The following FAM220A variants were observed in gnomAD, a reference collection of about 807,000 sequenced individuals.
The protein encoded by FAM220A is protein FAM220A.
For missense variants in FAM220A, 392 were observed against 321.6 expected (o/e 1.22, Z -1.68); for synonymous variants, 141 against 130.7 (o/e 1.08, Z -0.54).
At chr7:6,334,050 G>A (rs531416108) in intron 1 of FAM220A, among the ~76,000 whole-genome samples, 6 of 150,864 alleles carry the variant, frequency 4.0e-5, no homozygotes, top group Non-Finnish European at 7.4e-5. Flanking sequence ...GTTTCACCAT[G>A]TTAGCCAGGA....
At chr7:6,331,939 G>A (rs1457497887) in intron 1 of FAM220A, among the ~76,000 whole-genome samples, 2 of 151,412 alleles carry the variant, frequency 1.3e-5, no homozygotes, top group African/African-American at 4.8e-5. Flanking sequence ...AGAGATGAGG[G>A]TTCGCCATGT....
At chr7:6,346,209 C>T (rs1781949112) in intron 1 of FAM220A, among the ~76,000 whole-genome samples, 1 of 152,104 alleles carries the variant, frequency 6.6e-6, no homozygotes, top group African/African-American at 2.4e-5. Context: ...TTCTCGTTTA[C>T]CAGTCCCCTG....
At chr7:6,337,634 A>G (rs1781772822) in intron 1 of FAM220A, among the ~76,000 whole-genome samples, 1 of 151,602 alleles carries the variant, frequency 6.6e-6, no homozygotes, top group South Asian at 2.1e-4. Flanking sequence ...AGGTACCATT[A>G]GTAATCACTT....
At chr7:6,342,651 A>G (rs1027767433) in intron 1 of FAM220A, among the ~76,000 whole-genome samples, 6 of 152,324 alleles carry the variant, frequency 3.9e-5, no homozygotes, top group South Asian at 2.1e-4. Context: ...CAAAGCTTAC[A>G]TGCAAATGTT....
chr7:6,341,140 T>TC (rs201380116), intron 1 of FAM220A, among the ~76,000 whole-genome samples: 203 of 129,644 alleles, frequency 1.6e-3, no homozygotes, highest in Non-Finnish European at 2.7e-3. Context: ...CAAGACTCTG[T>TC]CCCAAAAAAA....
intron 1 of FAM220A, among the ~76,000 whole-genome samples, chr7:6,343,843 C>A (rs1781909059): frequency 6.6e-6 from 1 of 151,992 alleles, no homozygotes; most frequent in Non-Finnish European, 1.5e-5. Context: ...GTTCCTTAGG[C>A]CTTATTACTC....
chr7:6,340,582 G>A (rs1039618493), intron 1 of FAM220A, among the ~76,000 whole-genome samples: 5 of 152,032 alleles, frequency 3.3e-5, no homozygotes, highest in South Asian at 2.1e-4. Flanking sequence ...TAACAGACTC[G>A]AAGGAGGGCA....
chr7:6,339,736 G>A (rs1380442348), intron 1 of FAM220A, among the ~76,000 whole-genome samples: 2 of 152,076 alleles, frequency 1.3e-5, no homozygotes, highest in East Asian at 3.9e-4. Flanking sequence ...CTCCCAAAGT[G>A]CTGGGATTAC....
At chr7:6,333,225 A>C (rs1035799243) in intron 1 of FAM220A, among the ~76,000 whole-genome samples, 2 of 152,124 alleles carry the variant, frequency 1.3e-5, no homozygotes, top group South Asian at 4.2e-4. Flanking sequence ...GGATGCAGTT[A>C]TTATTAGAGG....
In FAM220A at chr7:6,330,559, T is replaced by C. The variant is rs1302420635; in HGVS notation, c.596A>G (p.Tyr199Cys). ...HSILSATLHVYPEVLLSEETK... is the reference protein window; with the variant it reads ...HSILSATLHVCPEVLLSEETK... ...CTCCTCACTCAGGAGCACTTCGGGA[T>C]ACACGTGCAGCGTTGCAGACAGGAT... The change falls in exon 2 of 2, where the codon TAT (tyrosine) becomes TGT (cysteine). Residue 199 changes from tyrosine (Y) to cysteine (C), a missense_variant. Coordinates refer to ENST00000313324, the MANE Select transcript of FAM220A (RefSeq NM_001037163.2). The C allele has an allele frequency of 1.2e-6, 2 of 1,614,182 alleles. No homozygotes were observed. Among genetic ancestry groups the C allele is most frequent in the Non-Finnish European group, 1.7e-6 (2 of 1,180,026 alleles).
intron 1 of FAM220A, among the ~76,000 whole-genome samples, chr7:6,345,900 C>G (rs1781943356): frequency 6.6e-6 from 1 of 152,004 alleles, no homozygotes; most frequent in South Asian, 2.1e-4. Context: ...TACCATGTAG[C>G]TGGGATTACA....
chr7:6,333,899 T>A (rs529257753), intron 1 of FAM220A, among the ~76,000 whole-genome samples: 1 of 138,524 alleles, frequency 7.2e-6, no homozygotes. Context: ...CAGGCTGGAG[T>A]GCAGTGGCGC....
chr7:6,334,312 G>T (rs1181192314), intron 1 of FAM220A, among the ~76,000 whole-genome samples: 2 of 151,320 alleles, frequency 1.3e-5, no homozygotes, highest in East Asian at 2.1e-4. Flanking sequence ...TAGCTGGGTG[G>T]ATCACCTGAG....
chr7:6,347,736 C>A (rs558999022), intron 1 of FAM220A, among the ~76,000 whole-genome samples: 1 of 151,894 alleles, frequency 6.6e-6, no homozygotes, highest in Non-Finnish European at 1.5e-5. Flanking sequence ...ACTTCCAATC[C>A]ATTTTTAGCT....
chr7:6,342,971 A>G (rs967234158), intron 1 of FAM220A, among the ~76,000 whole-genome samples: 2 of 151,678 alleles, frequency 1.3e-5, no homozygotes, highest in African/African-American at 4.8e-5. Context: ...CAGGAGCTGG[A>G]GGCTGTAGTG....
chr7:6,341,357 G>A (rs1337547141), intron 1 of FAM220A, among the ~76,000 whole-genome samples: 1 of 151,164 alleles, frequency 6.6e-6, no homozygotes, highest in African/African-American at 2.4e-5. Flanking sequence ...GCAGGAGAAT[G>A]GTGTGAACCG....
At chr7:6,347,883 T>TTTATTATTATTATTATTATTA (rs143253434) in intron 1 of FAM220A, among the ~76,000 whole-genome samples, 160 of 131,530 alleles carry the variant, frequency 1.2e-3, no homozygotes, top group African/African-American at 2.8e-3. Flanking sequence ...ACGAGACCCC[T>TTTATTATTATTATTATTATTA]TTATTATTAT....
chr7:6,343,887 G>A (rs1002738429), intron 1 of FAM220A, among the ~76,000 whole-genome samples: 22 of 152,168 alleles, frequency 1.4e-4, no homozygotes, highest in African/African-American at 5.3e-4. Flanking sequence ...GCAATGAAGA[G>A]GATGGGTATG....
intron 1 of FAM220A, among the ~76,000 whole-genome samples, chr7:6,345,189 C>T (rs1781931749): frequency 6.6e-6 from 1 of 151,932 alleles, no homozygotes; most frequent in Non-Finnish European, 1.5e-5. Context: ...ATGATCACGG[C>T]TCACTGCATC....
Sources: gnomAD v4.1 joint callset for allele counts (sites outside exome capture counted in the v4.1 genomes callset) on GRCh38, gnomAD v4.1.1 for gene constraint, MANE v1.5 for transcripts, NCBI Gene and HGNC (gene_info 2026-07-23, HGNC 2026-07-21) for gene names.